Variants in RCC2 observed in about 807,000 individuals in gnomAD.
RCC2 encodes protein RCC2.
A neutral mutation model predicts 64.1 loss-of-function variants in RCC2; 19 were observed. The observed-to-expected ratio is 0.30, with a 90% CI of 0.21 to 0.44. The LOEUF (loss-of-function observed/expected upper bound fraction) is 0.44. Ranked by LOEUF, RCC2 falls within the 20% of genes least tolerant of loss-of-function variation. RCC2 has a pLI of 1.00. For missense variants in RCC2, 508 were observed against 710.4 expected (o/e 0.72, Z 3.24); for synonymous variants, 325 against 279.6 (o/e 1.16, Z -1.62).
At chr1:17,436,318 A>G (rs2100399491) in intron 2 of RCC2, among the ~76,000 whole-genome samples, 1 of 152,312 alleles carries the variant, frequency 6.6e-6, no homozygotes, top group South Asian at 2.1e-4. Context: ...AGCCTGGCCA[A>G]CATGGTAAAA....
rs1358595677 is a variant in RCC2 at position 17,408,087 on chromosome 1, G to A, written c.*1003C>T. Reference sequence around the variant, plus strand: ...AGCAAACGTGACTAAAGGGAGCTGGGTCAGCAGAACGGTACCCCGAGTCTC... The same window carrying A: ...AGCAAACGTGACTAAAGGGAGCTGGATCAGCAGAACGGTACCCCGAGTCTC... On this transcript the variant is annotated 3_prime_UTR_variant, in exon 13 of 13. Coordinates refer to ENST00000375436, the MANE Select transcript of RCC2 (RefSeq NM_018715.4). 1 of 152,268 alleles carries A rather than the reference G, an allele frequency of 6.6e-6. No individual in the cohort carries two copies. Among genetic ancestry groups the A allele is most frequent in the East Asian group, 1.9e-4 (1 of 5,198 alleles). The allele number at this position is 152,268 out of a possible 1,614,324, so 9.4% of individuals were successfully genotyped here.
chr1:17,421,173 A>C (rs2075552039), intron 6 of RCC2, among the ~76,000 whole-genome samples: 1 of 151,956 alleles, frequency 6.6e-6, no homozygotes, highest in South Asian at 2.1e-4. Context: ...TTAAGGTATA[A>C]ATCTCACCCC....
At chr1:17,434,766 A>C (rs2075718501) in intron 2 of RCC2, among the ~76,000 whole-genome samples, 1 of 152,174 alleles carries the variant, frequency 6.6e-6, no homozygotes, top group South Asian at 2.1e-4. Flanking sequence ...TGCAGAACTG[A>C]TTGCTTGCTT....
At position 17,429,214 on chromosome 1, in the gene RCC2, A is replaced by T; in HGVS notation, c.286-15T>A. 1.2e-6 allele frequency: 2 copies of T among 1,606,918 alleles called. No individual in the cohort carries two copies. The highest frequency in any genetic ancestry group is 1.7e-6 in the Non-Finnish European group (2 of 1,173,382). On this transcript the variant is annotated splice_polypyrimidine_tract_variant and intron_variant, in intron 2 of 12. Coordinates refer to ENST00000375436, the MANE Select transcript of RCC2 (RefSeq NM_018715.4). ...CCTTCAAGTTTCTGCAGAGACAGAGAAAGGAAAAAAGAATTAGTGTGTAAG... is the reference window on the plus strand; with the variant it reads ...CCTTCAAGTTTCTGCAGAGACAGAGTAAGGAAAAAAGAATTAGTGTGTAAG...
intron 7 of RCC2, among the ~76,000 whole-genome samples, chr1:17,418,109 C>T (rs2075508759): frequency 6.6e-6 from 1 of 152,034 alleles, no homozygotes; most frequent in African/African-American, 2.4e-5. Flanking sequence ...CCCCAGGTTA[C>T]CAAGGAGCAA....
At chr1:17,412,906 C>G (rs761987478) in intron 10 of RCC2, among the ~76,000 whole-genome samples, 167 bp downstream of exon 10, 1 of 152,210 alleles carries the variant, frequency 6.6e-6, no homozygotes, top group Non-Finnish European at 1.5e-5. Flanking sequence ...GGCCCTCTCC[C>G]CTCCTGTACC....
chr1:17,431,349 A>ATAAATAAAAAAT (rs1202055032), intron 2 of RCC2, among the ~76,000 whole-genome samples: 2 of 51,866 alleles, frequency 3.9e-5, no homozygotes, highest in Admixed American at 4.9e-4. Flanking sequence ...AAAAAAAAAA[A>ATAAATAAAAAAT]AAAAAAAAAA....
intron 7 of RCC2, 108 bp from the exon 8 acceptor site, chr1:17,416,754 C>G: frequency 8.6e-7 from 1 of 1,168,654 alleles, no homozygotes; most frequent in Non-Finnish European, 1.2e-6. Context: ...CAATCTGGCC[C>G]TTCTGGGCCT....
At chr1:17,430,268 G>A (rs1031363509) in intron 2 of RCC2, among the ~76,000 whole-genome samples, 6 of 152,336 alleles carry the variant, frequency 3.9e-5, no homozygotes, top group African/African-American at 1.4e-4. Flanking sequence ...TGTAATCCCA[G>A]CACTTTGGAA....
intron 7 of RCC2, among the ~76,000 whole-genome samples, chr1:17,418,499 ATACAAAAAT>A (rs1409256989): frequency 1.4e-4 from 21 of 152,146 alleles, no homozygotes; most frequent in Non-Finnish European, 2.5e-4. Context: ...TCTACCAAAA[ATACAAAAAT>A]TAGCCAGGTG....
chr1:17,431,826 G>A lies in RCC2; in HGVS notation c.286-2627C>T, dbSNP rs535928508. Among the ~76,000 whole-genome samples the A allele has an allele frequency of 3.3e-5, 5 of 152,032 alleles. No homozygotes were observed. The South Asian group carries it at 6.3e-4, about 19-fold the overall frequency. On this transcript the variant is annotated intron_variant, in intron 2 of 12. Coordinates refer to ENST00000375436, the MANE Select transcript of RCC2 (RefSeq NM_018715.4). ...GAAAAGGGGAAGTGAGGCCAGCCGCGGTAGCTCATGGCCCGTCATCCCAGC... is the reference window on the plus strand; with the variant it reads ...GAAAAGGGGAAGTGAGGCCAGCCGCAGTAGCTCATGGCCCGTCATCCCAGC...
chr1:17,433,953 C>A (rs2075710578), intron 2 of RCC2, among the ~76,000 whole-genome samples: 1 of 152,174 alleles, frequency 6.6e-6, no homozygotes, highest in Non-Finnish European at 1.5e-5. Flanking sequence ...AGATTCAACA[C>A]ATCTGTCTCA....
intron 4 of RCC2, among the ~76,000 whole-genome samples, chr1:17,425,022 C>T (rs1398405697): frequency 6.6e-6 from 1 of 152,170 alleles, no homozygotes. Flanking sequence ...AAGCAGACAA[C>T]ACGGACAGTG....
chr1:17,414,494 C>A (rs1414956949), intron 8 of RCC2, among the ~76,000 whole-genome samples: 2 of 145,498 alleles, frequency 1.4e-5, no homozygotes, highest in Non-Finnish European at 3.0e-5. Context: ...AGCGTCACTG[C>A]ACTCCAGCCT....
chr1:17,426,237 G>C (rs754938907), intron 3 of RCC2, among the ~76,000 whole-genome samples: 2 of 152,046 alleles, frequency 1.3e-5, no homozygotes, highest in Non-Finnish European at 2.9e-5. Context: ...TTTCTGAGGG[G>C]TGACCCGAGT....
At position 17,422,634 on chromosome 1, in the gene RCC2, G is replaced by A. The variant is rs868136229; in HGVS notation, c.655+71C>T. The stretch of plus-strand genomic sequence containing the variant: ...CACAAGGGGAACTCCACCACCCCAC[G>A]CCCCATCCCCAAGGCAGACCACCTG... On this transcript the variant is annotated intron_variant, in intron 5 of 12. Coordinates refer to ENST00000375436, the MANE Select transcript of RCC2 (RefSeq NM_018715.4). 5.4e-5 allele frequency: 86 copies of A among 1,578,794 alleles called. 1 individual carries two copies. In the Middle Eastern group the frequency reaches 4.0e-3, roughly 74 times the overall value.
Position 17,413,646 on chromosome 1 carries a change from C to T in RCC2, c.1098G>A (p.Glu366=). The T allele has an allele frequency of 6.2e-7, 1 of 1,614,214 alleles. No homozygotes were observed. The highest frequency in any genetic ancestry group is 8.5e-7 in the Non-Finnish European group (1 of 1,180,032). The change falls in exon 9 of 13, where the codon GAG becomes GAA. Residue 366 remains glutamate (E), a synonymous_variant. Coordinates refer to ENST00000375436, the MANE Select transcript of RCC2 (RefSeq NM_018715.4). ...FGGYGRLGHA[E]QKDEMVPRLV... ...GGCGGGGGACCATCTCATCCTTCTGCTCTGCGTGGCCCAGCCGGCCATAGC... is the reference window on the plus strand; with the variant it reads ...GGCGGGGGACCATCTCATCCTTCTGTTCTGCGTGGCCCAGCCGGCCATAGC...
intron 10 of RCC2, 103 bp downstream of exon 10, chr1:17,412,970 G>A: frequency 1.2e-6 from 1 of 809,414 alleles, no homozygotes; most frequent in Non-Finnish European, 2.0e-6. Context: ...AGCCCAACAG[G>A]CAGCAGAAAC....
rs1262157082 is a variant in RCC2 at position 17,407,658 on chromosome 1, A to G, written c.*1432T>C. On this transcript the variant is annotated 3_prime_UTR_variant, in exon 13 of 13. Coordinates refer to ENST00000375436, the MANE Select transcript of RCC2 (RefSeq NM_018715.4). ...TAGGGAAAAAAGCAACAACAACTACATCATTTTTGGCATTTTAACATGGAG... is the reference window on the plus strand; with the variant it reads ...TAGGGAAAAAAGCAACAACAACTACGTCATTTTTGGCATTTTAACATGGAG... The G allele has an allele frequency of 6.6e-6, 1 of 152,542 alleles. No individual in the cohort carries two copies. Among genetic ancestry groups the G allele is most frequent in the Non-Finnish European group, 1.5e-5 (1 of 68,024 alleles). The allele number at this position is 152,542 out of a possible 1,614,324, so 9.4% of individuals were successfully genotyped here. A position where few individuals can be genotyped will look rare whatever the true frequency, so the allele number is the denominator to read the frequency against.
Sources: gnomAD v4.1 joint callset for allele counts (sites outside exome capture counted in the v4.1 genomes callset) on GRCh38, gnomAD v4.1.1 for gene constraint, MANE v1.5 for transcripts, NCBI Gene and HGNC (gene_info 2026-07-23, HGNC 2026-07-21) for gene names.